PPP3CA: variants seen among roughly 807,000 people sequenced by gnomAD.
The protein encoded by PPP3CA is protein phosphatase 3 catalytic subunit alpha, also known as CAM-PRP catalytic subunit.
In PPP3CA, 14 loss-of-function variants were observed where a neutral mutation model predicts 66.5. The ratio of observed to expected loss-of-function variants is 0.21; its 90% confidence interval spans 0.14 to 0.33. The LOEUF (loss-of-function observed/expected upper bound fraction) is 0.33. PPP3CA is among the 10% of genes least tolerant of loss of function. PPP3CA has a pLI of 1.00. For synonymous variants in PPP3CA, 232 were observed against 226.2 expected, an observed-to-expected ratio of 1.03 and a Z score of -0.23; for missense variants, 317 against 639.5, an observed-to-expected ratio of 0.50 and a Z score of 5.44.
intron 1 of PPP3CA, among the ~76,000 whole-genome samples, chr4:101,329,655 T>C (rs1388345751): frequency 6.6e-6 from 1 of 152,142 alleles, no homozygotes; most frequent in Non-Finnish European, 1.5e-5. Flanking sequence ...TTTTTAGGGG[T>C]TAATGCAGCT....
intron 1 of PPP3CA, among the ~76,000 whole-genome samples, chr4:101,215,919 C>G (rs891502433): frequency 3.9e-5 from 6 of 152,038 alleles, no homozygotes; most frequent in Non-Finnish European, 8.8e-5. Context: ...AGTTGTATCA[C>G]CAAAGCTCAA....
At chr4:101,310,958 T>C (rs140423787) in intron 1 of PPP3CA, among the ~76,000 whole-genome samples, 386 of 152,194 alleles carry the variant, frequency 2.5e-3, no homozygotes, top group Non-Finnish European at 4.3e-3. Context: ...TGGTGAAAAA[T>C]ATTAACACAT....
chr4:101,345,845 A>T (rs1030764445), intron 1 of PPP3CA, among the ~76,000 whole-genome samples: 3 of 152,214 alleles, frequency 2.0e-5, no homozygotes, highest in Admixed American at 6.5e-5. Context: ...AGCCCGTTAC[A>T]AAAAGGATGC....
chr4:101,089,745 A>AACTCAAATAATGCCTAT (rs1302611673), intron 6 of PPP3CA, among the ~76,000 whole-genome samples: 16 of 152,184 alleles, frequency 1.1e-4, no homozygotes, highest in African/African-American at 2.4e-5. Flanking sequence ...TATCTGCCTG[A>AACTCAAATAATGCCTAT]ACATTATAGG....
intron 1 of PPP3CA, among the ~76,000 whole-genome samples, chr4:101,344,281 A>T (rs1228169175): frequency 6.6e-6 from 1 of 152,174 alleles, no homozygotes; most frequent in Non-Finnish European, 1.5e-5. Context: ...AAGGGGAAAT[A>T]TTATTTCACA....
At chr4:101,229,003 T>C (rs1287970580) in intron 1 of PPP3CA, among the ~76,000 whole-genome samples, 1 of 151,700 alleles carries the variant, frequency 6.6e-6, no homozygotes, top group African/African-American at 2.4e-5. Flanking sequence ...GTCACTCTAC[T>C]TAGCACTAAA....
chr4:101,278,626 CCCATAATT>C (rs1294388823), intron 1 of PPP3CA, among the ~76,000 whole-genome samples: 1 of 152,172 alleles, frequency 6.6e-6, no homozygotes, highest in East Asian at 1.9e-4. Flanking sequence ...ACCAGGCCTA[CCCATAATT>C]CTGAGGTGTG....
At chr4:101,227,730 C>CA (rs1286974047) in intron 1 of PPP3CA, among the ~76,000 whole-genome samples, 3 of 151,680 alleles carry the variant, frequency 2.0e-5, no homozygotes, top group African/African-American at 4.8e-5. Context: ...CCACCACCTT[C>CA]AAGTAGGCCC....
intron 6 of PPP3CA, among the ~76,000 whole-genome samples, chr4:101,091,007 C>G (rs1729912366): frequency 6.6e-6 from 1 of 151,422 alleles, no homozygotes; most frequent in African/African-American, 2.4e-5. Context: ...ACATCTGTGT[C>G]TAATGCCATA....
intron 1 of PPP3CA, among the ~76,000 whole-genome samples, chr4:101,223,088 A>G (rs1395974280): frequency 6.6e-6 from 1 of 151,768 alleles, no homozygotes; most frequent in Non-Finnish European, 1.5e-5. Context: ...CTGTCAAACT[A>G]TTCACATTAA....
At chr4:101,304,182 G>C (rs1728466366) in intron 1 of PPP3CA, among the ~76,000 whole-genome samples, 1 of 152,074 alleles carries the variant, frequency 6.6e-6, no homozygotes, top group Admixed American at 6.5e-5. Flanking sequence ...GGATATTTCA[G>C]TAATAGTCTC....
chr4:101,063,145 A>C, intron 9 of PPP3CA, 87 bp downstream of exon 9: 3 of 1,463,848 alleles, frequency 2.0e-6, no homozygotes, highest in Non-Finnish European at 2.8e-6. Context: ...TGGCTGGGCC[A>C]AAGTTCTTCT....
chr4:101,118,956 AT>A (rs201507463), intron 2 of PPP3CA, among the ~76,000 whole-genome samples: 5,531 of 129,900 alleles, frequency 0.043, 127 homozygotes, highest in Middle Eastern at 0.081. Context: ...GAACTTACAG[AT>A]TTTTTTTTTT....
chr4:101,124,771 GAA>G (rs1324290659), intron 2 of PPP3CA, among the ~76,000 whole-genome samples: 1 of 129,454 alleles, frequency 7.7e-6, no homozygotes, highest in Non-Finnish European at 1.6e-5. Flanking sequence ...AAGAAAGAAA[GAA>G]AGAAAGAAAG....
chr4:101,169,504 G>A (rs1054936556), intron 2 of PPP3CA, among the ~76,000 whole-genome samples: 4 of 152,104 alleles, frequency 2.6e-5, no homozygotes, highest in Non-Finnish European at 5.9e-5. Context: ...GTCAGACTCT[G>A]ACTTTTATCC....
intron 1 of PPP3CA, among the ~76,000 whole-genome samples, chr4:101,274,035 G>T (rs1727414731): frequency 6.6e-6 from 1 of 152,152 alleles, no homozygotes; most frequent in African/African-American, 2.4e-5. Context: ...GCCAGGCATG[G>T]TGTCTCATGA....
intron 8 of PPP3CA, among the ~76,000 whole-genome samples, chr4:101,071,231 G>A (rs1728905243): frequency 6.6e-6 from 1 of 152,154 alleles, no homozygotes; most frequent in Admixed American, 6.5e-5. Flanking sequence ...TCAACTTCAA[G>A]CTTGGACTTT....
At chr4:101,093,499 A>G (rs1445129814) in intron 6 of PPP3CA, among the ~76,000 whole-genome samples, 1 of 152,224 alleles carries the variant, frequency 6.6e-6, no homozygotes, top group East Asian at 1.9e-4. Flanking sequence ...AACCAAAAAA[A>G]TAATGACTTG....
intron 1 of PPP3CA, among the ~76,000 whole-genome samples, chr4:101,261,311 T>C (rs1727002272): frequency 6.6e-6 from 1 of 152,038 alleles, no homozygotes; most frequent in Admixed American, 6.6e-5. Context: ...AATCACAGTA[T>C]TGAAAGTATG....
Sources: allele counts gnomAD v4.1 joint callset (sites outside exome capture counted in the v4.1 genomes callset), GRCh38; gene constraint gnomAD v4.1.1; transcripts MANE v1.5; gene names NCBI Gene and HGNC (gene_info 2026-07-23, HGNC 2026-07-21).